Variants in KDSR observed in about 807,000 individuals in gnomAD.
KDSR encodes the protein 3-ketodihydrosphingosine reductase.
A neutral mutation model predicts 41.3 loss-of-function variants in KDSR; 23 were observed. The ratio of observed to expected loss-of-function variants is 0.56; its 90% CI spans 0.40 to 0.79. The LOEUF (loss-of-function observed/expected upper bound fraction) is 0.79. Among genes scored for constraint, KDSR ranks in the 30% least tolerant of loss-of-function variants. The probability of loss-of-function intolerance (pLI) is 0.00; values close to 1 mark genes in which losing one functional copy is unlikely to be tolerated. For missense variants in KDSR, 351 were observed against 416.8 expected (o/e 0.84, Z 1.37); for synonymous variants, 138 against 151.7 (o/e 0.91, Z 0.66).
At position 63,330,113 on chromosome 18, in the gene KDSR, A is replaced by C. The variant is rs928221839; in HGVS notation, c.*1669T>G. 5.3e-6 allele frequency: 1 copy of C among 189,520 alleles called. No homozygotes were observed. The highest frequency in any genetic ancestry group is 2.3e-5 in the African/African-American group (1 of 42,894). 11.7% of individuals were successfully genotyped at this position (189,520 alleles called of 1,614,324 possible). On this transcript the variant is annotated 3_prime_UTR_variant, in exon 10 of 10. Transcript: ENST00000645214. The stretch of plus-strand genomic sequence containing the variant: ...TAAAAACATGGGTTAAAGCCATAAA[A>C]CATCTTATTTTTTAAAAAGTTAAGT...
intron 7 of KDSR, among the ~76,000 whole-genome samples, chr18:63,342,547 A>G: frequency 6.6e-6 from 1 of 152,244 alleles, no homozygotes; most frequent in Non-Finnish European, 1.5e-5. Context: ...TGAATTAGTT[A>G]TAGATAATTA....
chr18:63,362,132 T>G (rs1201294417), intron 2 of KDSR, among the ~76,000 whole-genome samples: 1 of 152,222 alleles, frequency 6.6e-6, no homozygotes, highest in Non-Finnish European at 1.5e-5. Context: ...AGCTGTGTGG[T>G]CACTTTCCTC....
intron 7 of KDSR, among the ~76,000 whole-genome samples, chr18:63,343,352 G>T (rs1914400654): frequency 6.6e-6 from 1 of 151,428 alleles, no homozygotes; most frequent in African/African-American, 2.4e-5. Context: ...GAGACACCAT[G>T]GCTGGCCTTA....
chr18:63,352,718 G>A (rs73468707), intron 5 of KDSR, among the ~76,000 whole-genome samples: 2 of 152,152 alleles, frequency 1.3e-5, no homozygotes, highest in Non-Finnish European at 2.9e-5. Flanking sequence ...TATATATGCT[G>A]TAACTGTAAT....
chr18:63,348,273 C>G (rs1188136013), intron 6 of KDSR, among the ~76,000 whole-genome samples: 1 of 151,282 alleles, frequency 6.6e-6, no homozygotes, highest in East Asian at 1.9e-4. Flanking sequence ...CAAACCACTG[C>G]ACTCCAGCCT....
intron 7 of KDSR, among the ~76,000 whole-genome samples, chr18:63,341,589 A>G (rs1347744457): frequency 6.6e-6 from 1 of 152,152 alleles, no homozygotes; most frequent in African/African-American, 2.4e-5. Flanking sequence ...TTGGGAAGAA[A>G]GAAGTGATAA....
In KDSR at chr18:63,363,540, A is replaced by G. The variant is rs1337142746; in HGVS notation, c.109-672T>C. On this transcript the variant is annotated intron_variant, in intron 1 of 9. Coordinates refer to ENST00000645214, the MANE Select transcript of KDSR (RefSeq NM_002035.4). ...TCCAATTTCATCCATGTCCCTACAA[A>G]GGATATGAACTCATCATTTTTTATG... Among the ~76,000 whole-genome samples the G allele has an allele frequency of 4.6e-5, 7 of 150,804 alleles. 1 individual carries two copies. The highest frequency in any genetic ancestry group is 1.7e-4 in the African/African-American group (7 of 40,882).
At chr18:63,332,436 A>T (rs562745802) in intron 9 of KDSR, among the ~76,000 whole-genome samples, 26 of 152,152 alleles carry the variant, frequency 1.7e-4, no homozygotes, top group African/African-American at 6.0e-4. Context: ...AGTGGCATGA[A>T]CGCGGCTCAC....
At chr18:63,343,539 C>T (rs1166798211) in intron 7 of KDSR, among the ~76,000 whole-genome samples, 1 of 151,760 alleles carries the variant, frequency 6.6e-6, no homozygotes. Flanking sequence ...CAAGCATGTG[C>T]CACCATGCCT....
chr18:63,361,209 C>G (rs1243187862), intron 2 of KDSR, among the ~76,000 whole-genome samples: 1 of 15,512 alleles, frequency 6.4e-5, no homozygotes, highest in African/African-American at 1.7e-4. Flanking sequence ...AACTCCGTCT[C>G]AAAAAAAAAA....
At chr18:63,355,986 G>A (rs1835224238) in intron 3 of KDSR, among the ~76,000 whole-genome samples, 3 of 152,176 alleles carry the variant, frequency 2.0e-5, no homozygotes, top group South Asian at 2.1e-4. Flanking sequence ...AAAGGAAACA[G>A]CCCTCTTTGC....
In KDSR at chr18:63,338,821, T is replaced by C; in HGVS notation, c.756A>G (p.Lys252=). 1.2e-6 allele frequency: 2 copies of C among 1,609,270 alleles called. No homozygotes were observed. The highest frequency in any genetic ancestry group is 1.7e-6 in the Non-Finnish European group (2 of 1,177,988). The part of the protein sequence containing the change: ...TSVCKPEQVA[K]QIVKDAIQGN... ...TTACTATGGCATCTTTAACAATTTG[T>C]TTGGCCACCTGTTCTGGTTTGCACA... Residue 252 remains lysine (K), a synonymous_variant, in exon 8 of 10, where the codon AAA becomes AAG. Coordinates refer to ENST00000645214, the MANE Select transcript of KDSR (RefSeq NM_002035.4).
intron 2 of KDSR, among the ~76,000 whole-genome samples, chr18:63,361,586 G>C (rs944745094): frequency 6.6e-6 from 1 of 152,158 alleles, no homozygotes; most frequent in Non-Finnish European, 1.5e-5. Flanking sequence ...GGAGGCCAAG[G>C]CGGGCGGATC....
chr18:63,360,788 G>A (rs540226592), intron 2 of KDSR, among the ~76,000 whole-genome samples: 1 of 151,504 alleles, frequency 6.6e-6, no homozygotes, highest in African/African-American at 2.4e-5. Flanking sequence ...AGAGGCTGAA[G>A]TGAGAGGATT....
intron 6 of KDSR, among the ~76,000 whole-genome samples, chr18:63,347,175 C>A (rs1409432365): frequency 6.6e-6 from 1 of 152,108 alleles, no homozygotes; most frequent in Non-Finnish European, 1.5e-5. Flanking sequence ...CTGGCCTCAA[C>A]CTCAAACAGA....
chr18:63,359,548 T>A (rs1914903478), intron 3 of KDSR, 188 bp downstream of exon 3: 4 of 529,428 alleles, frequency 7.6e-6, no homozygotes, highest in Non-Finnish European at 1.3e-5. Flanking sequence ...TATGAATGTG[T>A]GTGGGAGTCT....
rs1041101441 is a variant in KDSR, at chr18:63,329,045, A to G, written c.*2737T>C. The G allele has an allele frequency of 3.0e-5, 6 of 197,782 alleles. No homozygotes were observed. The highest frequency in any genetic ancestry group is 6.9e-5 in the African/African-American group (3 of 43,306). 12.3% of individuals were successfully genotyped at this position (197,782 alleles called of 1,614,324 possible). A position where few individuals can be genotyped will look rare whatever the true frequency, so the allele number is the denominator to read the frequency against. On this transcript the variant is annotated 3_prime_UTR_variant, in exon 10 of 10. Coordinates refer to ENST00000645214, the MANE Select transcript of KDSR (RefSeq NM_002035.4). Reference sequence around the variant, plus strand: ...AACAAAGTCATTAGTTTCCGTAACAATCACACTCAGGGTTGGTTCTTTTTT... The same window carrying G: ...AACAAAGTCATTAGTTTCCGTAACAGTCACACTCAGGGTTGGTTCTTTTTT...
rs553841284 is a variant in KDSR at position 63,347,154 on chromosome 18, T to G, written c.610-2661A>C. ...CCCACATCCATCCTACTATTACTTC[T>G]TCCCTTCTCCCTGGCCTCAACCTCA... On this transcript the variant is annotated intron_variant, in intron 6 of 9. Coordinates refer to ENST00000645214, the MANE Select transcript of KDSR (RefSeq NM_002035.4). Among the ~76,000 whole-genome samples the G allele has an allele frequency of 1.2e-3, 189 of 152,160 alleles. 2 individuals carry two copies. Among genetic ancestry groups the G allele is most frequent in the Middle Eastern group, 6.8e-3 (2 of 294 alleles).
chr18:63,343,927 C>T (rs2144358102), intron 7 of KDSR, among the ~76,000 whole-genome samples: 1 of 152,220 alleles, frequency 6.6e-6, no homozygotes, highest in Non-Finnish European at 1.5e-5. Context: ...CCTATAATCT[C>T]AGCACCTGGG....
Sources: allele counts gnomAD v4.1 joint callset (sites outside exome capture counted in the v4.1 genomes callset), GRCh38; gene constraint gnomAD v4.1.1; transcripts MANE v1.5; gene names NCBI Gene and HGNC (gene_info 2026-07-23, HGNC 2026-07-21).